Variants in UVSSA observed in about 807,000 individuals in gnomAD.
UVSSA encodes the protein UV stimulated scaffold protein A.
A neutral mutation model predicts 73.9 loss-of-function variants in UVSSA; 72 were observed. The ratio of observed to expected loss-of-function variants is 0.97; its 90% CI spans 0.81 to 1.19. The LOEUF is 1.19. Ranked by LOEUF, UVSSA falls within the 50% of genes most tolerant of loss-of-function variation. The probability of loss-of-function intolerance (pLI) is 0.00; values close to 1 mark genes in which losing one functional copy is unlikely to be tolerated. For missense variants in UVSSA, 1,150 were observed against 965.0 expected (o/e 1.19, Z -2.54); for synonymous variants, 454 against 391.3 (o/e 1.16, Z -1.89).
intron 5 of UVSSA, among the ~76,000 whole-genome samples, chr4:1,354,139 G>A (rs187968522): frequency 9.6e-4 from 146 of 152,374 alleles, no homozygotes; most frequent in Admixed American, 7.8e-3. Context: ...TGGGAGAACT[G>A]ATCCTCGGGT....
intron 12 of UVSSA, among the ~76,000 whole-genome samples, chr4:1,381,590 A>G (rs1719508263): frequency 6.6e-6 from 1 of 151,576 alleles, no homozygotes; most frequent in Non-Finnish European, 1.5e-5. Flanking sequence ...CCTCGGGCCC[A>G]TCTGCCCACC....
Position 1,386,137 on chromosome 4 carries a change from C to A in UVSSA, c.*176C>A. ...ACGGCCGCTCTGCTGCTACAGGGTT[C>A]GGCATCGTCTGGTGATGGGTCTGGC... On this transcript the variant is annotated 3_prime_UTR_variant, in exon 14 of 14. Transcript: ENST00000389851. 1.4e-6 allele frequency: 1 copy of A among 699,432 alleles called. No homozygotes were observed. 43.3% of individuals were successfully genotyped at this position (699,432 alleles called of 1,614,324 possible).
At position 1,351,753 on chromosome 4, in the gene UVSSA, A is replaced by C. The variant is rs767741018; in HGVS notation, c.468A>C (p.Glu156Asp). 23 of 1,613,612 alleles carry C rather than the reference A, an allele frequency of 1.4e-5. No individual in the cohort carries two copies. The highest frequency in any genetic ancestry group is 1.9e-5 in the Non-Finnish European group (23 of 1,179,812). ...FQDTNARSLAERKREEEKQKH... is the reference protein window; with the variant it reads ...FQDTNARSLADRKREEEKQKH... ...ACACGAATGCTCGGAGTCTGGCAGA[A>C]AGGAAGAGAGAAGAGGAGAAGCAGA... is the stretch of plus-strand genomic sequence containing the variant. Residue 156 changes from glutamate (E) to aspartate (D), a missense_variant, in exon 4 of 14, where the codon GAA becomes GAC. Coordinates refer to ENST00000389851, the MANE Select transcript of UVSSA (RefSeq NM_020894.4).
chr4:1,347,554 C>G lies in UVSSA; in HGVS notation c.-209C>G, dbSNP rs987751127. The G allele has an allele frequency of 6.6e-6, 1 of 152,600 alleles. No homozygotes were observed. Among genetic ancestry groups the G allele is most frequent in the African/African-American group, 2.4e-5 (1 of 41,482 alleles). 9.5% of individuals were successfully genotyped at this position (152,600 alleles called of 1,614,324 possible). ...CCCCGGCCTCGCCTGGCGCTTCCTT[C>G]CGGGTCCTTCGGCCTTTCCCTGGCG... is the stretch of plus-strand genomic sequence containing the variant. On this transcript the variant is annotated 5_prime_UTR_variant, in exon 1 of 14. Coordinates refer to ENST00000389851, the MANE Select transcript of UVSSA (RefSeq NM_020894.4).
At chr4:1,372,163 T>C (rs112053803) in intron 8 of UVSSA, among the ~76,000 whole-genome samples, 8 of 152,372 alleles carry the variant, frequency 5.3e-5, no homozygotes, top group Non-Finnish European at 7.3e-5. Context: ...TAAATCTTTT[T>C]TCGTCCCTTT....
At chr4:1,354,694 C>T (rs1207766215) in intron 5 of UVSSA, 41 bp from the exon 6 acceptor site, 1 of 1,582,272 alleles carries the variant, frequency 6.3e-7, no homozygotes, top group East Asian at 2.3e-5. Flanking sequence ...TGGGAGACGC[C>T]AGTCGGCGCC....
chr4:1,380,371 G>A, intron 11 of UVSSA, 141 bp downstream of exon 11: 2 of 1,195,596 alleles, frequency 1.7e-6, no homozygotes, highest in Middle Eastern at 5.9e-4. Flanking sequence ...GCTTATCCGT[G>A]GTGGGCAGAA....
chr4:1,376,000 A>G (rs1468803969), intron 9 of UVSSA, 34 bp from the exon 10 acceptor site: 2 of 1,570,614 alleles, frequency 1.3e-6, no homozygotes, highest in Non-Finnish European at 1.7e-6. Context: ...TGGCACCAGC[A>G]GCACCGTCAG....
intron 4 of UVSSA, 142 bp downstream of exon 4, chr4:1,351,977 C>A: frequency 2.9e-6 from 4 of 1,358,058 alleles, no homozygotes; most frequent in Non-Finnish European, 3.9e-6. Flanking sequence ...CAGGTCGGGC[C>A]GGAAGGCGTT....
chr4:1,374,416 C>T (rs956572700), intron 8 of UVSSA, among the ~76,000 whole-genome samples: 7 of 152,260 alleles, frequency 4.6e-5, no homozygotes, highest in South Asian at 2.1e-4. Context: ...ACGGAGCAGC[C>T]TGAGAGCCAA....
chr4:1,380,877 CA>C lies in UVSSA; in HGVS notation c.1753-2del, dbSNP rs750515373. 14 of 1,612,350 alleles carry C rather than the reference CA, an allele frequency of 8.7e-6. No homozygotes were observed. The highest frequency in any genetic ancestry group is 4.2e-6 in the Non-Finnish European group (5 of 1,179,610). ...CATCAGCCACCGTGTCCTCGCTGTG[CA>C]GTGCCCTTTCCATGGGAAGATTGTT... On this transcript the variant is annotated splice_acceptor_variant, in intron 11 of 13. Coordinates refer to ENST00000389851, the MANE Select transcript of UVSSA (RefSeq NM_020894.4). LOFTEE classifies it high-confidence loss of function.
At chr4:1,354,675 C>T (rs1347644187) in intron 5 of UVSSA, 60 bp from the exon 6 acceptor site, 40 of 1,501,914 alleles carry the variant, frequency 2.7e-5, no homozygotes, top group Middle Eastern at 3.5e-4. Context: ...TCTGCCTCTC[C>T]GGGGCCTGTG....
chr4:1,355,132 G>A lies in UVSSA; in HGVS notation c.1063G>A (p.Gly355Arg), dbSNP rs116741007. 7.3e-3 allele frequency: 11,758 copies of A among 1,613,738 alleles called. 68 individuals are homozygous for A. Among genetic ancestry groups the A allele is most frequent in the Middle Eastern group, 0.014 (83 of 6,062 alleles). The change falls in exon 7 of 14, where the codon GGG becomes AGG. Residue 355 changes from glycine to arginine, a missense_variant. Gly to Arg is a moderately radical substitution (Grantham distance 125). Coordinates refer to ENST00000389851, the MANE Select transcript of UVSSA (RefSeq NM_020894.4). Reference sequence around the variant, plus strand: ...CGTTTCGCAGCGCTTCACCCGCGTCGGGACCCACGGTGGATGTTTAAAGCG... The same window carrying A: ...CGTTTCGCAGCGCTTCACCCGCGTCAGGACCCACGGTGGATGTTTAAAGCG... ...CSWIQRFTRV[G>R]THGGCLKRAI...
At chr4:1,355,927 G>A (rs1386207420) in intron 7 of UVSSA, among the ~76,000 whole-genome samples, 6 of 152,150 alleles carry the variant, frequency 3.9e-5, no homozygotes, top group Admixed American at 3.3e-4. Flanking sequence ...CCTTGAACTG[G>A]CTGAGCATGG....
upstream of UVSSA, among the ~76,000 whole-genome samples, chr4:1,346,450 T>TGG (rs1713692009): frequency 6.6e-6 from 1 of 152,142 alleles, no homozygotes; most frequent in Admixed American, 6.5e-5. Context: ...GCAGCCGACC[T>TGG]CGCACTCCCC....
At chr4:1,377,926 TG>T (rs538574407) in intron 10 of UVSSA, among the ~76,000 whole-genome samples, 65 of 152,262 alleles carry the variant, frequency 4.3e-4, no homozygotes, top group African/African-American at 1.5e-3. Context: ...GCTGCGTGGA[TG>T]GGGGTACATG....
intron 10 of UVSSA, among the ~76,000 whole-genome samples, chr4:1,378,709 G>C (rs1234117542): frequency 6.6e-6 from 1 of 152,222 alleles, no homozygotes; most frequent in Non-Finnish European, 1.5e-5. Context: ...CCGAGTTCCG[G>C]GTGGCAGAAT....
At chr4:1,393,618 G>GA (rs1487719173) in exon 14 of UVSSA, 4 of 115,622 alleles carry the variant, frequency 3.5e-5, no homozygotes, top group African/African-American at 9.1e-5. Flanking sequence ...AGATAGATAG[G>GA]ATAAGATAAG....
intron 9 of UVSSA, 46 bp from the exon 10 acceptor site, chr4:1,375,988 G>A (rs916081469): frequency 1.3e-6 from 2 of 1,562,998 alleles, no homozygotes; most frequent in Non-Finnish European, 8.6e-7. Flanking sequence ...GGTGGCTGTG[G>A]GTGGCACCAG....
Sources: allele counts gnomAD v4.1 joint callset (sites outside exome capture counted in the v4.1 genomes callset), GRCh38; gene constraint gnomAD v4.1.1; transcripts MANE v1.5; gene names NCBI Gene and HGNC (gene_info 2026-07-23, HGNC 2026-07-21).